Variants in PDE4B observed in about 807,000 individuals in gnomAD.
The protein encoded by PDE4B is phosphodiesterase 4B, also known as 3',5'-cyclic-AMP phosphodiesterase 4B.
PDE4B carries 20 observed loss-of-function variants against 82.2 expected under a neutral mutation model. That is an observed-to-expected ratio of 0.24 (90% CI 0.17 to 0.35). PDE4B has a LOEUF of 0.35. Among genes scored for constraint, PDE4B ranks in the 10% least tolerant of loss-of-function variants. The pLI, the probability that PDE4B is intolerant of heterozygous loss-of-function variation, is 1.00. For synonymous variants in PDE4B, 320 were observed against 318.9 expected, an observed-to-expected ratio of 1.00 and a Z score of -0.04; for missense variants, 655 against 907.2, an observed-to-expected ratio of 0.72 and a Z score of 3.57.
chr1:66,337,778 C>G (rs972471716), intron 8 of PDE4B, among the ~76,000 whole-genome samples: 2 of 152,188 alleles, frequency 1.3e-5, no homozygotes, highest in African/African-American at 4.8e-5. Flanking sequence ...GAATTAAAAT[C>G]AGTTCTGGTA....
chr1:66,017,240 A>T (rs919781688), intron 3 of PDE4B, among the ~76,000 whole-genome samples: 1 of 152,328 alleles, frequency 6.6e-6, no homozygotes, highest in South Asian at 2.1e-4. Flanking sequence ...CATATATATA[A>T]GGCCTTTAGT....
At chr1:66,214,491 G>A (rs997706220) in intron 3 of PDE4B, among the ~76,000 whole-genome samples, 2 of 151,986 alleles carry the variant, frequency 1.3e-5, no homozygotes, top group Admixed American at 6.6e-5. Flanking sequence ...ATATATTATT[G>A]CATCAATTCT....
At chr1:66,361,267 A>G (rs1047515136) in intron 9 of PDE4B, among the ~76,000 whole-genome samples, 4 of 152,194 alleles carry the variant, frequency 2.6e-5, no homozygotes, top group African/African-American at 9.7e-5. Flanking sequence ...TTGCAAATGT[A>G]TAAGTGTGTA....
chr1:65,876,244 T>A (rs1329181530), intron 1 of PDE4B, among the ~76,000 whole-genome samples: 1 of 152,160 alleles, frequency 6.6e-6, no homozygotes, highest in Non-Finnish European at 1.5e-5. Context: ...ATGCTTTTTA[T>A]TATAAACATT....
intron 3 of PDE4B, among the ~76,000 whole-genome samples, chr1:66,185,176 T>C (rs941317981): frequency 1.3e-5 from 2 of 152,248 alleles, no homozygotes; most frequent in Non-Finnish European, 2.9e-5. Context: ...GAACTCATCG[T>C]TTTTTATGGC....
intron 3 of PDE4B, among the ~76,000 whole-genome samples, chr1:66,156,233 G>T (rs594094): frequency 0.25 from 37,887 of 151,952 alleles, 5,181 homozygotes; most frequent in Non-Finnish European, 0.31. Context: ...TGAGTTCATT[G>T]GTACATGAAC....
chr1:65,814,629 C>G (rs1377620210), intron 1 of PDE4B, among the ~76,000 whole-genome samples: 2 of 152,176 alleles, frequency 1.3e-5, no homozygotes, highest in East Asian at 3.8e-4. Flanking sequence ...CATCCTTTGG[C>G]AAACACTGAT....
intron 3 of PDE4B, among the ~76,000 whole-genome samples, chr1:65,994,677 A>T (rs1352647347): frequency 6.6e-6 from 1 of 152,142 alleles, no homozygotes; most frequent in Admixed American, 6.6e-5. Flanking sequence ...AAAATACACA[A>T]TTAATAGATG....
At chr1:66,057,809 A>C (rs1440749626) in intron 3 of PDE4B, among the ~76,000 whole-genome samples, 1 of 152,110 alleles carries the variant, frequency 6.6e-6, no homozygotes, top group Non-Finnish European at 1.5e-5. Flanking sequence ...GAATTATGGG[A>C]GCTATAAGAT....
intron 3 of PDE4B, among the ~76,000 whole-genome samples, chr1:65,966,610 A>G (rs903620934): frequency 6.6e-6 from 1 of 152,222 alleles, no homozygotes; most frequent in African/African-American, 2.4e-5. Context: ...AGCAAAAAGA[A>G]CAAAGCTGGA....
intron 3 of PDE4B, among the ~76,000 whole-genome samples, chr1:66,244,648 A>G (rs1183042024): frequency 6.6e-6 from 1 of 152,060 alleles, no homozygotes; most frequent in East Asian, 1.9e-4. Context: ...GTTTGTTCCA[A>G]AGTTGTACAT....
chr1:65,801,403 G>T (rs1050110021), intron 1 of PDE4B, among the ~76,000 whole-genome samples: 3 of 152,120 alleles, frequency 2.0e-5, no homozygotes, highest in African/African-American at 4.8e-5. Context: ...AATACATGAA[G>T]TAATTTTTAA....
At chr1:66,110,239 T>C (rs1403751984) in intron 3 of PDE4B, among the ~76,000 whole-genome samples, 1 of 151,976 alleles carries the variant, frequency 6.6e-6, no homozygotes, top group Admixed American at 6.6e-5. Context: ...TAACCAATGG[T>C]TACAGTCAAA....
In PDE4B at chr1:66,372,454, C is replaced by T. The variant is rs2050817635; in HGVS notation, c.1987C>T (p.Pro663Ser). The T allele has an allele frequency of 6.2e-7, 1 of 1,614,116 alleles. No individual in the cohort carries two copies. The highest frequency in any genetic ancestry group is 8.5e-7 in the Non-Finnish European group (1 of 1,180,000). Residue 663 changes from proline to serine, a missense_variant, in exon 17 of 17, where the codon CCA (proline) becomes TCA (serine). By Grantham distance (74) the Pro-to-Ser change is moderately conservative (BLOSUM62 -1). Around this residue, in one of 3 missense-constraint regions of PDE4B, gnomAD observed 119 missense variants for 115.2 expected, o/e 1.03. Transcript: ENST00000341517. ...CATGATACCTCAAAGTCCCTCACCA[C>T]CACTGGACGAGCAGAACAGGGACTG... is the stretch of plus-strand genomic sequence containing the variant. ...QSMIPQSPSP[P>S]LDEQNRDCQG...
intron 3 of PDE4B, among the ~76,000 whole-genome samples, chr1:65,991,011 G>A (rs1268678123): frequency 6.6e-6 from 1 of 152,050 alleles, no homozygotes; most frequent in Non-Finnish European, 1.5e-5. Flanking sequence ...ACATGTAGGA[G>A]TTAGTCTGCT....
At chr1:65,833,550 A>G (rs1646106018) in intron 1 of PDE4B, among the ~76,000 whole-genome samples, 1 of 152,250 alleles carries the variant, frequency 6.6e-6, no homozygotes, top group African/African-American at 2.4e-5. Context: ...GAAGTGTTAA[A>G]GCACCGATTG....
chr1:66,257,874 A>C lies in PDE4B; in HGVS notation c.584+11A>C. On this transcript the variant is annotated intron_variant, in intron 6 of 16. Transcript: ENST00000341517. ...TGGTACATCTAACAAGTAAGGATTGACTTTTTTGTGGAGTTTGAATCCCTA... is the reference window on the plus strand; with the variant it reads ...TGGTACATCTAACAAGTAAGGATTGCCTTTTTTGTGGAGTTTGAATCCCTA... 6.2e-7 allele frequency: 1 copy of C among 1,602,746 alleles called. No individual in the cohort carries two copies.
intron 3 of PDE4B, among the ~76,000 whole-genome samples, chr1:66,032,709 G>T (rs2100803018): frequency 6.8e-6 from 1 of 146,220 alleles, no homozygotes; most frequent in East Asian, 2.0e-4. Context: ...AGGCTGGAGT[G>T]CAGTGGCGCG....
chr1:65,811,903 C>T (rs1645825700), intron 1 of PDE4B, among the ~76,000 whole-genome samples: 1 of 151,662 alleles, frequency 6.6e-6, no homozygotes, highest in African/African-American at 2.4e-5. Context: ...ATAAAAATTA[C>T]ATGAAATATA....
Sources: gnomAD v4.1 joint callset for allele counts (sites outside exome capture counted in the v4.1 genomes callset) on GRCh38, gnomAD v4.1.1 for gene constraint, gnomAD v4.1.1 regional missense constraint, MANE v1.5 for transcripts, NCBI Gene and HGNC (gene_info 2026-07-23, HGNC 2026-07-21) for gene names.